ACACA: variants seen among roughly 807,000 people sequenced by gnomAD.
ACACA encodes acetyl-CoA carboxylase alpha.
In ACACA, 103 loss-of-function variants were observed where a neutral mutation model predicts 296.1. The observed-to-expected ratio is 0.35, with a 90% CI of 0.30 to 0.41. The LOEUF is 0.41. ACACA is among the 10% of genes least tolerant of loss of function. The probability of loss-of-function intolerance (pLI) is 1.00; values close to 1 mark genes in which losing one functional copy is unlikely to be tolerated. For synonymous variants in ACACA, 953 were observed against 1,038.6 expected, an observed-to-expected ratio of 0.92 and a Z score of 1.58; for missense variants, 1,554 against 2,989.7, an observed-to-expected ratio of 0.52 and a Z score of 11.20.
intron 45 of ACACA, among the ~76,000 whole-genome samples, chr17:37,132,469 T>C (rs1393520475): frequency 1.3e-5 from 2 of 152,200 alleles, no homozygotes; most frequent in African/African-American, 4.8e-5. Context: ...AACTGGTCCT[T>C]CTGGGACAGA....
chr17:37,320,946 C>CA (rs1208839080), intron 3 of ACACA, among the ~76,000 whole-genome samples: 70 of 126,766 alleles, frequency 5.5e-4, no homozygotes, highest in African/African-American at 1.5e-3. Context: ...GACTCCATCT[C>CA]AAAAAAAAAA....
chr17:37,267,765 T>A (rs2081856536), intron 10 of ACACA, among the ~76,000 whole-genome samples: 1 of 66,334 alleles, frequency 1.5e-5, no homozygotes, highest in Non-Finnish European at 2.5e-5. Flanking sequence ...CTTCTTCTTC[T>A]TTTTTTTTTT....
At chr17:37,260,829 G>A (rs1471351007) in intron 11 of ACACA, among the ~76,000 whole-genome samples, 1 of 152,108 alleles carries the variant, frequency 6.6e-6, no homozygotes, top group South Asian at 2.1e-4. Context: ...CACCAGCCCT[G>A]AAAAGCTCAC....
intron 29 of ACACA, among the ~76,000 whole-genome samples, chr17:37,221,299 T>C (rs1261352588): frequency 2.6e-5 from 4 of 152,180 alleles, no homozygotes; most frequent in Non-Finnish European, 5.9e-5. Context: ...ATAATGAAAC[T>C]GGCTCAGATA....
intron 25 of ACACA, among the ~76,000 whole-genome samples, chr17:37,230,947 G>A (rs62069522): frequency 0.02 from 3,065 of 152,304 alleles, 58 homozygotes; most frequent in Non-Finnish European, 0.029. Flanking sequence ...GTCATAAAAC[G>A]AAGTGAAAAT....
intron 3 of ACACA, among the ~76,000 whole-genome samples, chr17:37,303,277 C>T (rs2083716523): frequency 6.6e-6 from 1 of 152,110 alleles, no homozygotes; most frequent in South Asian, 2.1e-4. Context: ...TTGTGACTGG[C>T]TTCTTTCATT....
At chr17:37,389,887 A>G (rs2050717246) in intron 1 of ACACA, among the ~76,000 whole-genome samples, 1 of 151,262 alleles carries the variant, frequency 6.6e-6, no homozygotes, top group South Asian at 2.1e-4. Context: ...TTTTCCTAAC[A>G]TCAGTCCAGA....
intron 54 of ACACA, among the ~76,000 whole-genome samples, chr17:37,090,304 G>A (rs1020682185): frequency 3.9e-5 from 6 of 152,172 alleles, no homozygotes; most frequent in African/African-American, 7.2e-5. Flanking sequence ...CTTAGCTGCC[G>A]ACTTAGTTGT....
intron 35 of ACACA, among the ~76,000 whole-genome samples, chr17:37,197,845 A>G (rs1445241403): frequency 6.6e-6 from 1 of 152,232 alleles, no homozygotes; most frequent in African/African-American, 2.4e-5. Context: ...TTCAGAGCAA[A>G]TGCAGTCCTC....
At chr17:37,378,762 C>G (rs2050114249) in intron 1 of ACACA, among the ~76,000 whole-genome samples, 1 of 151,176 alleles carries the variant, frequency 6.6e-6, no homozygotes, top group Non-Finnish European at 1.5e-5. Flanking sequence ...GCCTGGACCA[C>G]AAGAGCAAAC....
Position 37,248,687 on chromosome 17 carries a change from TGA to T in ACACA, c.2082-15_2082-14del, listed in dbSNP as rs1567880090. 1.9e-6 allele frequency: 3 copies of T among 1,574,062 alleles called. No individual in the cohort carries two copies. The highest frequency in any genetic ancestry group is 1.7e-5 in the Admixed American group (1 of 59,786). ...AAGGACTTGACCCCTGAAAGAACGA[TGA>T]GAGAGGAACTTACTACAAAGTTCTA... On this transcript the variant is annotated splice_polypyrimidine_tract_variant and intron_variant, in intron 16 of 55. Transcript: ENST00000616317.
intron 3 of ACACA, among the ~76,000 whole-genome samples, chr17:37,290,742 C>T (rs1204321090): frequency 1.4e-5 from 2 of 140,368 alleles, no homozygotes; most frequent in Non-Finnish European, 3.0e-5. Context: ...CTTTTTGCTT[C>T]CCTGGGCCAC....
rs2082035608 is a variant in ACACA at position 37,270,859 on chromosome 17, T to C, written c.1011A>G (p.Ala337=). 1 of 1,612,288 alleles carries C rather than the reference T, an allele frequency of 6.2e-7. No homozygotes were observed. Among genetic ancestry groups the C allele is most frequent in the Non-Finnish European group, 8.5e-7 (1 of 1,178,828 alleles). ...TTACTGGATATCCAACTTCCTCAGC[T>C]GCCTTCAAAAAGAAAGAAAAAAAAA... ...YVKDVDDGLQ[A]AEEVGYPVMI... is the part of the protein sequence containing the mutation. Residue 337 remains alanine, a splice_region_variant and synonymous_variant, in exon 10 of 56, where the codon GCA becomes GCG. Coordinates refer to ENST00000616317, the MANE Select transcript of ACACA (RefSeq NM_198834.3).
chr17:37,324,154 G>A (rs1425816992), intron 3 of ACACA, among the ~76,000 whole-genome samples: 1 of 152,180 alleles, frequency 6.6e-6, no homozygotes, highest in Non-Finnish European at 1.5e-5. Flanking sequence ...ATCACCTGAG[G>A]TCGGGAATTC....
chr17:37,260,396 C>T (rs1026623138), intron 11 of ACACA, among the ~76,000 whole-genome samples: 1 of 147,550 alleles, frequency 6.8e-6, no homozygotes, highest in Non-Finnish European at 1.5e-5. Context: ...CTCCGCCTCT[C>T]GGATTCAAGT....
At chr17:37,335,501 A>T (rs1174236454) in intron 2 of ACACA, among the ~76,000 whole-genome samples, 2 of 151,756 alleles carry the variant, frequency 1.3e-5, no homozygotes, top group African/African-American at 4.8e-5. Context: ...TCAGCCTATC[A>T]TTGTTTGAAT....
intron 25 of ACACA, among the ~76,000 whole-genome samples, chr17:37,233,126 T>G (rs2079940536): frequency 6.6e-6 from 1 of 152,186 alleles, no homozygotes. Flanking sequence ...CTCAAACCAG[T>G]TCTCTGACAG....
At chr17:37,256,101 C>CTG (rs1179811773) in intron 14 of ACACA, among the ~76,000 whole-genome samples, 4 of 152,072 alleles carry the variant, frequency 2.6e-5, no homozygotes, top group Non-Finnish European at 5.9e-5. Flanking sequence ...TCATTATAGT[C>CTG]CTACTTTTAA....
intron 30 of ACACA, among the ~76,000 whole-genome samples, chr17:37,208,440 G>C (rs1350662664): frequency 6.6e-6 from 1 of 151,990 alleles, no homozygotes; most frequent in Non-Finnish European, 1.5e-5. Context: ...TAGTTATTGG[G>C]GTTACAGTTC....
Sources: gnomAD v4.1 joint callset for allele counts (sites outside exome capture counted in the v4.1 genomes callset) on GRCh38, gnomAD v4.1.1 for gene constraint, MANE v1.5 for transcripts, NCBI Gene and HGNC (gene_info 2026-07-23, HGNC 2026-07-21) for gene names.